Variants in OGA observed in about 807,000 individuals in gnomAD.
OGA encodes protein O-GlcNAcase.
OGA carries 21 observed loss-of-function variants against 102.0 expected under a neutral mutation model. The observed-to-expected ratio is 0.21, with a 90% CI of 0.15 to 0.30. The LOEUF is 0.30. OGA is among the 10% of genes least tolerant of loss of function. The pLI, the probability that OGA is intolerant of heterozygous loss-of-function variation, is 1.00. For missense variants in OGA, 765 were observed against 1,107.8 expected (o/e 0.69, Z 4.39); for synonymous variants, 408 against 378.2 (o/e 1.08, Z -0.91).
intron 5 of OGA, among the ~76,000 whole-genome samples, chr10:101,807,418 A>G (rs994509902): frequency 6.6e-6 from 1 of 152,192 alleles, no homozygotes; most frequent in Non-Finnish European, 1.5e-5. Flanking sequence ...GAAGTGACTA[A>G]GGTAAAAGCA....
intron 8 of OGA, 68 bp downstream of exon 8, chr10:101,800,174 A>T: frequency 2.0e-6 from 3 of 1,513,880 alleles, no homozygotes; most frequent in Non-Finnish European, 2.7e-6. Flanking sequence ...CACCCGGGAG[A>T]CAGTGTTCTT....
At chr10:101,786,969 G>C (rs555331673) in intron 15 of OGA, among the ~76,000 whole-genome samples, 1 of 151,840 alleles carries the variant, frequency 6.6e-6, no homozygotes, top group Non-Finnish European at 1.5e-5. Context: ...GGCTGGTCTC[G>C]ATCTCTTGAC....
chr10:101,803,241 T>C (rs2135065205), intron 7 of OGA, among the ~76,000 whole-genome samples: 2 of 152,120 alleles, frequency 1.3e-5, no homozygotes, highest in South Asian at 2.1e-4. Flanking sequence ...AATATCCTTT[T>C]CAATAAAATT....
intron 14 of OGA, among the ~76,000 whole-genome samples, chr10:101,790,687 A>C (rs898007512): frequency 6.6e-6 from 1 of 152,188 alleles, no homozygotes; most frequent in Non-Finnish European, 1.5e-5. Context: ...CCAAATAAAA[A>C]ACTGTCCCAA....
Position 101,800,253 on chromosome 10 carries a change from T to A in OGA, c.1184A>T (p.His395Leu). The change falls in exon 8 of 16, where the codon CAT becomes CTT. Residue 395 changes from histidine (H) to leucine (L), a missense_variant. Physicochemically the swap from His to Leu is moderately conservative, Grantham distance 99 (BLOSUM62 -3). This residue lies in a region of OGA where 281 missense variants were observed against 345.8 expected (regional missense o/e 0.81). Coordinates refer to ENST00000361464, the MANE Select transcript of OGA (RefSeq NM_012215.5). ...TEWLQEFGVP[H>L]QYSSRQVAHS... Reference sequence around the variant, plus strand: ...ATGGCCAAACTCACTGCTGTATTGATGAGGCACACCAAACTCTTGCAACCA... The same window carrying A: ...ATGGCCAAACTCACTGCTGTATTGAAGAGGCACACCAAACTCTTGCAACCA... 6.2e-7 allele frequency: 1 copy of A among 1,614,066 alleles called. No individual in the cohort carries two copies. The highest frequency in any genetic ancestry group is 1.1e-5 in the South Asian group (1 of 91,068).
In OGA at chr10:101,784,674, A is replaced by G. The variant is rs1409495367; in HGVS notation, c.*1777T>C. On this transcript the variant is annotated 3_prime_UTR_variant, in exon 16 of 16. Transcript: ENST00000361464. ...CCAGCCAACATGATTACTAAAAGCC[A>G]AGATAAAACCAAAAGCAAACTTGCT... The G allele has an allele frequency of 6.6e-6, 1 of 152,324 alleles. No individual in the cohort carries two copies. Among genetic ancestry groups the G allele is most frequent in the Non-Finnish European group, 1.5e-5 (1 of 68,052 alleles). The allele number at this position is 152,324 out of a possible 1,614,324, so 9.4% of individuals were successfully genotyped here.
intron 11 of OGA, among the ~76,000 whole-genome samples, chr10:101,793,533 T>C (rs950997100): frequency 6.6e-6 from 1 of 152,264 alleles, no homozygotes; most frequent in Non-Finnish European, 1.5e-5. Flanking sequence ...AATAATTGGA[T>C]AAATATCCAA....
In OGA at chr10:101,793,756, G is replaced by A. The variant is rs532909874; in HGVS notation, c.2070+157C>T. ...TCCTTCAGAAATTACTGTGAAAGAG[G>A]AGGAAAATTTGATTTAAAAATCCAG... On this transcript the variant is annotated intron_variant, in intron 11 of 15. Transcript: ENST00000361464. 1.0e-5 allele frequency: 6 copies of A among 581,720 alleles called. No homozygotes were observed. In the East Asian group the frequency reaches 1.8e-4, roughly 17 times the overall value. 36.0% of individuals were successfully genotyped at this position (581,720 alleles called of 1,614,324 possible).
chr10:101,806,631 C>T (rs987548461), intron 5 of OGA, among the ~76,000 whole-genome samples: 3 of 152,098 alleles, frequency 2.0e-5, no homozygotes, highest in African/African-American at 7.2e-5. Context: ...TCAATTCTTA[C>T]GATACTACAG....
chr10:101,805,251 G>T (rs1363686195), intron 6 of OGA, among the ~76,000 whole-genome samples: 1 of 152,054 alleles, frequency 6.6e-6, no homozygotes, highest in Non-Finnish European at 1.5e-5. Flanking sequence ...AGCTGGTCTT[G>T]AACTCCTGGG....
intron 3 of OGA, among the ~76,000 whole-genome samples, chr10:101,810,919 G>C (rs1345820347): frequency 6.6e-6 from 1 of 151,790 alleles, no homozygotes; most frequent in African/African-American, 2.4e-5. Flanking sequence ...TCGAACTCCT[G>C]GCCTCAAGTG....
chr10:101,802,577 G>A (rs2065407226), intron 7 of OGA, among the ~76,000 whole-genome samples: 1 of 151,786 alleles, frequency 6.6e-6, no homozygotes, highest in Middle Eastern at 3.2e-3. Context: ...GCTGAGACAG[G>A]AGAATCACTT....
intron 6 of OGA, among the ~76,000 whole-genome samples, chr10:101,804,580 T>G (rs1359849253): frequency 2.0e-5 from 3 of 152,074 alleles, no homozygotes; most frequent in African/African-American, 7.2e-5. Context: ...GCCCCTTACA[T>G]GTACATTTTA....
Position 101,798,014 on chromosome 10 carries a change from T to A in OGA, c.1950A>T (p.Ile650=). 1 of 1,613,828 alleles carries A rather than the reference T, an allele frequency of 6.2e-7. No homozygotes were observed. Among genetic ancestry groups the A allele is most frequent in the African/African-American group, 1.3e-5 (1 of 75,018 alleles). Residue 650 remains isoleucine, a synonymous_variant, in exon 10 of 16, where the codon ATA becomes ATT. Transcript: ENST00000361464. ...MYSYVWDIKS[I]MSMVKSFVQW... ...GTACAAAAGACTTCACCATAGACAT[T>A]ATACTCTTGATATCCCAAACATAGG...
chr10:101,814,451 T>G, intron 1 of OGA, among the ~76,000 whole-genome samples: 1 of 152,152 alleles, frequency 6.6e-6, no homozygotes, highest in Non-Finnish European at 1.5e-5. Flanking sequence ...TTAAAAAAAG[T>G]TCCTGGCCAG....
rs74153082 is a variant in OGA, at chr10:101,817,528, C to T, written c.199+296G>A. 3.3e-3 allele frequency among the ~76,000 whole-genome samples: 500 copies of T among 152,230 alleles called. 3 individuals are homozygous for T. The highest frequency in any genetic ancestry group is 0.012 in the African/African-American group (479 of 41,522). ...GATCCCAAGGTACAAAGAAGTAGAA[C>T]TCAGAGGCTAACAGAACACCAGGCT... On this transcript the variant is annotated intron_variant, in intron 1 of 15. Coordinates refer to ENST00000361464, the MANE Select transcript of OGA (RefSeq NM_012215.5).
intron 1 of OGA, among the ~76,000 whole-genome samples, chr10:101,815,062 C>T (rs949548648): frequency 6.6e-6 from 1 of 152,126 alleles, no homozygotes; most frequent in African/African-American, 2.4e-5. Flanking sequence ...ATTCTGAACA[C>T]AAAATGTTCT....
At chr10:101,805,751 C>T (rs552145548) in intron 6 of OGA, among the ~76,000 whole-genome samples, 1 of 149,114 alleles carries the variant, frequency 6.7e-6, no homozygotes, top group Non-Finnish European at 1.5e-5. Context: ...GTCAGGAGAT[C>T]GAGACCATCC....
At position 101,787,323 on chromosome 10, in the gene OGA, A is replaced by G. The variant is rs2065202602; in HGVS notation, c.2614+41T>C. On this transcript the variant is annotated intron_variant, in intron 15 of 15. Coordinates refer to ENST00000361464, the MANE Select transcript of OGA (RefSeq NM_012215.5). The stretch of plus-strand genomic sequence containing the variant: ...TCCAAAAATATATAGTTCTTTCCCT[A>G]TCTTGCCCAAATACCACCAACTCCA... 5 of 1,531,524 alleles carry G rather than the reference A, an allele frequency of 3.3e-6. No individual in the cohort carries two copies. The Admixed American group carries it at 9.5e-5, about 29-fold the overall frequency. 94.9% of individuals were successfully genotyped at this position (1,531,524 alleles called of 1,614,324 possible). A position where few individuals can be genotyped will look rare whatever the true frequency, so the allele number is the denominator to read the frequency against.
Sources: allele counts gnomAD v4.1 joint callset (sites outside exome capture counted in the v4.1 genomes callset), GRCh38; gene constraint gnomAD v4.1.1; regional missense constraint gnomAD v4.1.1; transcripts MANE v1.5; gene names NCBI Gene and HGNC (gene_info 2026-07-23, HGNC 2026-07-21).